The following FAM53B variants were observed in gnomAD, a reference collection of about 807,000 sequenced individuals.
FAM53B encodes family with sequence similarity 53 member B.
Under a neutral mutation model 32.7 loss-of-function variants are expected in FAM53B, and 12 were observed. That is an observed-to-expected ratio of 0.37 (90% CI 0.24 to 0.59). The LOEUF is 0.59. Ranked by LOEUF, FAM53B falls within the 20% of genes least tolerant of loss-of-function variation. FAM53B has a pLI of 0.72. For synonymous variants in FAM53B, 234 were observed against 228.7 expected, an observed-to-expected ratio of 1.02 and a Z score of -0.21; for missense variants, 477 against 577.7, an observed-to-expected ratio of 0.83 and a Z score of 1.79.
At chr10:124,638,364 A>C (rs887314082) in intron 4 of FAM53B, among the ~76,000 whole-genome samples, 1 of 150,348 alleles carries the variant, frequency 6.7e-6, no homozygotes, top group Non-Finnish European at 1.5e-5. Flanking sequence ...GGTGACAGAG[A>C]CTCCACCTCA....
chr10:124,738,942 T>G (rs1950185778), intron 1 of FAM53B, among the ~76,000 whole-genome samples: 1 of 152,116 alleles, frequency 6.6e-6, no homozygotes, highest in South Asian at 2.1e-4. Flanking sequence ...CTTGTGAATC[T>G]GCCTTTTCTG....
intron 3 of FAM53B, among the ~76,000 whole-genome samples, chr10:124,685,170 T>C (rs1949794640): frequency 6.6e-6 from 1 of 152,242 alleles, no homozygotes; most frequent in African/African-American, 2.4e-5. Flanking sequence ...ATGTCTGTTG[T>C]ATGTAAAGGT....
chr10:124,696,768 C>G (rs368607229), intron 2 of FAM53B, among the ~76,000 whole-genome samples: 1 of 152,170 alleles, frequency 6.6e-6, no homozygotes, highest in East Asian at 1.9e-4. Context: ...ATCGAGTCCC[C>G]TTGAGGCATT....
chr10:124,654,412 T>C (rs1047472536), intron 4 of FAM53B, among the ~76,000 whole-genome samples: 4 of 152,212 alleles, frequency 2.6e-5, no homozygotes, highest in African/African-American at 9.7e-5. Context: ...TCTGTGGCCA[T>C]GCTGGCAAGG....
At chr10:124,676,262 G>C (rs975349385) in intron 4 of FAM53B, among the ~76,000 whole-genome samples, 2 of 152,174 alleles carry the variant, frequency 1.3e-5, no homozygotes, top group Non-Finnish European at 2.9e-5. Flanking sequence ...TCTCTCACTA[G>C]ATCTTCACAC....
At chr10:124,730,146 T>C (rs1281251478) in intron 1 of FAM53B, among the ~76,000 whole-genome samples, 1 of 152,260 alleles carries the variant, frequency 6.6e-6, no homozygotes, top group African/African-American at 2.4e-5. Flanking sequence ...CTGATGCCCA[T>C]GGAAAACATG....
chr10:124,743,982 C>A, intron 1 of FAM53B, 31 bp downstream of exon 1: 1 of 148,958 alleles, frequency 6.7e-6, no homozygotes, highest in South Asian at 1.9e-4. Context: ...CCCCGGCCAC[C>A]GCCGCCGCCG....
At chr10:124,722,805 G>A (rs947512922) in intron 1 of FAM53B, among the ~76,000 whole-genome samples, 1 of 152,206 alleles carries the variant, frequency 6.6e-6, no homozygotes, top group South Asian at 2.1e-4. Context: ...AGGAAGGAGG[G>A]AGACGTGTAG....
At chr10:124,714,914 T>C in intron 1 of FAM53B, among the ~76,000 whole-genome samples, 1 of 152,138 alleles carries the variant, frequency 6.6e-6, no homozygotes, top group East Asian at 1.9e-4. Flanking sequence ...CCTCAGAGTA[T>C]CCCTATCAGA....
At position 124,700,579 on chromosome 10, in the gene FAM53B, G is replaced by T. The variant is rs552363827; in HGVS notation, c.79-4367C>A. Among the ~76,000 whole-genome samples, 3 of 152,320 alleles carry T rather than the reference G, an allele frequency of 2.0e-5. No homozygotes were observed. The South Asian group carries it at 6.2e-4, about 32-fold the overall frequency. On this transcript the variant is annotated intron_variant, in intron 2 of 4. Transcript: ENST00000337318. Reference sequence around the variant, plus strand: ...CTGTGAGACTCCTCAGATCACGAGAGAAGGTTTTTGGAATTAGATCCTCGT... The same window carrying T: ...CTGTGAGACTCCTCAGATCACGAGATAAGGTTTTTGGAATTAGATCCTCGT...
At chr10:124,707,059 C>CA (rs1211897064) in intron 1 of FAM53B, among the ~76,000 whole-genome samples, 172 bp from the exon 2 acceptor site, 3 of 152,144 alleles carry the variant, frequency 2.0e-5, no homozygotes, top group Admixed American at 2.0e-4. Context: ...CAGAGTCCCC[C>CA]CGCCCACCCC....
At chr10:124,642,183 GTC>G in intron 4 of FAM53B, among the ~76,000 whole-genome samples, 1 of 152,322 alleles carries the variant, frequency 6.6e-6, no homozygotes, top group Non-Finnish European at 1.5e-5. Flanking sequence ...GGCCACTTCT[GTC>G]TCTCACCCTC....
intron 4 of FAM53B, among the ~76,000 whole-genome samples, chr10:124,649,293 T>C (rs1046933922): frequency 2.6e-5 from 4 of 152,230 alleles, no homozygotes; most frequent in Non-Finnish European, 5.9e-5. Flanking sequence ...GTTGTCTCAG[T>C]AGATGGCAGC....
At chr10:124,689,391 G>A (rs1949820729) in intron 3 of FAM53B, among the ~76,000 whole-genome samples, 1 of 152,194 alleles carries the variant, frequency 6.6e-6, no homozygotes, top group South Asian at 2.1e-4. Flanking sequence ...ACCAGAAGGA[G>A]ACTCAGTTCA....
At chr10:124,677,465 C>T (rs1949743716) in intron 4 of FAM53B, among the ~76,000 whole-genome samples, 1 of 152,266 alleles carries the variant, frequency 6.6e-6, no homozygotes, top group South Asian at 2.1e-4. Flanking sequence ...GCAGCATAGC[C>T]AGTCCTCTGA....
intron 1 of FAM53B, among the ~76,000 whole-genome samples, chr10:124,743,235 C>G (rs1342930085): frequency 1.3e-5 from 2 of 152,228 alleles, no homozygotes; most frequent in East Asian, 3.9e-4. Context: ...TCGTTTCTTT[C>G]GTCTCTGCCC....
chr10:124,681,706 C>T lies in FAM53B; in HGVS notation c.807G>A (p.Gln269=). 1 of 1,611,052 alleles carries T rather than the reference C, an allele frequency of 6.2e-7. No individual in the cohort carries two copies. The highest frequency in any genetic ancestry group is 8.5e-7 in the Non-Finnish European group (1 of 1,178,748). The part of the protein sequence containing the change: ...RSSGLSRSRS[Q]PCVLNDKKVG... ...CCTTCTTGTCGTTAAGGACACACGG[C>T]TGGGAGCGGCTGCGGGAAAGGCCGC... is the stretch of plus-strand genomic sequence containing the variant. The change falls in exon 4 of 5, where the codon CAG becomes CAA. Residue 269 remains glutamine (Q), a synonymous_variant. Coordinates refer to ENST00000337318, the MANE Select transcript of FAM53B (RefSeq NM_014661.4).
At chr10:124,723,253 G>T (rs762403880) in intron 1 of FAM53B, among the ~76,000 whole-genome samples, 3 of 152,228 alleles carry the variant, frequency 2.0e-5, no homozygotes, top group Non-Finnish European at 4.4e-5. Context: ...CTCAGGAAAT[G>T]TCTGCTGAAA....
intron 2 of FAM53B, among the ~76,000 whole-genome samples, chr10:124,702,923 G>C (rs1041177884): frequency 6.6e-6 from 1 of 152,112 alleles, no homozygotes; most frequent in Non-Finnish European, 1.5e-5. Context: ...AGTTTAACAG[G>C]TCTGGCACCT....
Sources: gnomAD v4.1 joint callset for allele counts (sites outside exome capture counted in the v4.1 genomes callset) on GRCh38, gnomAD v4.1.1 for gene constraint, MANE v1.5 for transcripts, NCBI Gene and HGNC (gene_info 2026-07-23, HGNC 2026-07-21) for gene names.